The following NSMCE4A variants were observed in gnomAD, a reference collection of about 807,000 sequenced individuals.
NSMCE4A encodes the protein non-structural maintenance of chromosomes element 4 homolog A.
Under a neutral mutation model 47.9 loss-of-function variants are expected in NSMCE4A, and 40 were observed. The ratio of observed to expected loss-of-function variants is 0.83; its 90% CI spans 0.65 to 1.09. The LOEUF is 1.09. Ranked by LOEUF, NSMCE4A falls within the 50% of genes least tolerant of loss-of-function variation. The probability of loss-of-function intolerance (pLI) is 0.00; values close to 1 mark genes in which losing one functional copy is unlikely to be tolerated. For missense variants in NSMCE4A, 500 were observed against 507.0 expected (o/e 0.99, Z 0.13); for synonymous variants, 166 against 178.5 (o/e 0.93, Z 0.56).
intron 10 of NSMCE4A, among the ~76,000 whole-genome samples, chr10:121,957,527 A>T (rs1206411008): frequency 1.4e-5 from 2 of 141,382 alleles, no homozygotes; most frequent in Non-Finnish European, 3.0e-5. Flanking sequence ...TCTGCCTCCC[A>T]GGTTCACGCC....
chr10:121,969,929 T>C (rs1054700993), intron 3 of NSMCE4A, among the ~76,000 whole-genome samples: 1 of 152,064 alleles, frequency 6.6e-6, no homozygotes, highest in Non-Finnish European at 1.5e-5. Context: ...GTGGCCAGGC[T>C]GGTCTGAAAC....
chr10:121,961,478 G>A lies in NSMCE4A; in HGVS notation c.884C>T (p.Pro295Leu), dbSNP rs1952496332. 2 of 1,569,294 alleles carry A rather than the reference G, an allele frequency of 1.3e-6. No individual in the cohort carries two copies. The highest frequency in any genetic ancestry group is 2.8e-5 in the African/African-American group (2 of 71,408). ...PMSFFDFVVD[P>L]HSFPRTVENI... ...TTCCACTGTACGGGGGAAAGAATGA[G>A]GATCAACCACAAAGTCAAAGAAGGA... Residue 295 changes from proline to leucine, a missense_variant, in exon 7 of 11, where the codon CCT becomes CTT. Pro to Leu is a moderately conservative substitution (Grantham distance 98). Transcript: ENST00000369023.
chr10:121,958,774 A>G (rs1371592042), intron 10 of NSMCE4A, among the ~76,000 whole-genome samples: 1 of 152,160 alleles, frequency 6.6e-6, no homozygotes, highest in East Asian at 1.9e-4. Flanking sequence ...AAACAAAAAC[A>G]AAACCCACCA....
chr10:121,965,454 T>A, intron 4 of NSMCE4A, 69 bp from the exon 5 acceptor site: 1 of 1,213,714 alleles, frequency 8.2e-7, no homozygotes, highest in Non-Finnish European at 1.2e-6. Context: ...CTTTACTAAC[T>A]AAAAGTAGTT....
rs796734426 is a variant in NSMCE4A, at chr10:121,957,439, T to C, written c.*13-180A>G. On this transcript the variant is annotated intron_variant, in intron 10 of 10. Transcript: ENST00000369023. ...CCCTTCTTCTTTTTTCTTTTTTTTT[T>C]TTTTTTTTTTTGAGACAGAGTTTCG... Among the ~76,000 whole-genome samples the C allele has an allele frequency of 5.0e-5, 6 of 120,404 alleles. No individual in the cohort carries two copies. In the East Asian group the frequency reaches 1.8e-3, roughly 35 times the overall value. The allele number at this position is 120,404 out of a possible 152,430, so 79.0% of individuals were successfully genotyped here.
chr10:121,959,806 TAGTAG>T, intron 8 of NSMCE4A: 1 of 578,046 alleles, frequency 1.7e-6, no homozygotes, highest in Non-Finnish European at 3.1e-6. Context: ...AAAAAACATG[TAGTAG>T]AGTAACACAT....
chr10:121,967,512 T>C, intron 4 of NSMCE4A, 143 bp downstream of exon 4: 1 of 903,046 alleles, frequency 1.1e-6, no homozygotes, highest in Non-Finnish European at 1.6e-6. Context: ...GTTTATGAAC[T>C]TTCATATCAA....
rs1231060390 is a variant in NSMCE4A at position 121,974,986 on chromosome 10, C to T, written c.180G>A (p.Pro60=). 8.5e-6 allele frequency: 13 copies of T among 1,522,396 alleles called. No individual in the cohort carries two copies. The highest frequency in any genetic ancestry group is 1.4e-5 in the African/African-American group (1 of 69,454). 94.3% of individuals were successfully genotyped at this position (1,522,396 alleles called of 1,614,324 possible). ...CCATCATCTCGTCCCCGGAATCCGA[C>T]GGCTCTGTGTCCTCCAGGCTCGGGC... ...PERPSLEDTE[P]SDSGDEMMDP... is the part of the protein sequence containing the mutation. Residue 60 remains proline, a synonymous_variant, in exon 1 of 11, where the codon CCG becomes CCA. Coordinates refer to ENST00000369023, the MANE Select transcript of NSMCE4A (RefSeq NM_017615.3).
chr10:121,975,103 C>G lies in NSMCE4A; in HGVS notation c.63G>C (p.Arg21=). The change falls in exon 1 of 11, where the codon CGG becomes CGC. Residue 21 remains arginine (R), a synonymous_variant. Transcript: ENST00000369023. ...AGCGGGAGCGGGAGCGGGTGCGATCCCGATGCGGGTCGCGGCCCCGGCCCC... is the reference window on the plus strand; with the variant it reads ...AGCGGGAGCGGGAGCGGGTGCGATCGCGATGCGGGTCGCGGCCCCGGCCCC... ...EGRGRGRDPH[R]DRTRSRSRSR... 1 of 1,435,420 alleles carries G rather than the reference C, an allele frequency of 7.0e-7. No individual in the cohort carries two copies. Among genetic ancestry groups the G allele is most frequent in the Non-Finnish European group, 9.0e-7 (1 of 1,105,720 alleles). The allele number at this position is 1,435,420 out of a possible 1,614,324, so 88.9% of individuals were successfully genotyped here. A position where few individuals can be genotyped will look rare whatever the true frequency, so the allele number is the denominator to read the frequency against.
In NSMCE4A at chr10:121,957,105, G is replaced by A. The variant is rs1053774393; in HGVS notation, c.*167C>T. Reference sequence around the variant, plus strand: ...AACTACAATTATTTGTGAATATGGCGGTGAGTTTCCTTTAATCAAAGACAA... The same window carrying A: ...AACTACAATTATTTGTGAATATGGCAGTGAGTTTCCTTTAATCAAAGACAA... On this transcript the variant is annotated 3_prime_UTR_variant, in exon 11 of 11. Coordinates refer to ENST00000369023, the MANE Select transcript of NSMCE4A (RefSeq NM_017615.3). 1.2e-4 allele frequency: 19 copies of A among 152,514 alleles called. No individual in the cohort carries two copies. The highest frequency in any genetic ancestry group is 2.9e-4 in the African/African-American group (12 of 41,412). 9.4% of individuals were successfully genotyped at this position (152,514 alleles called of 1,614,324 possible).
chr10:121,965,206 T>A, intron 5 of NSMCE4A, 80 bp downstream of exon 5: 1 of 973,472 alleles, frequency 1.0e-6, no homozygotes, highest in East Asian at 2.5e-5. Flanking sequence ...TTAGAAAAAA[T>A]GGCCAAATTG....
chr10:121,960,373 G>C lies in NSMCE4A; in HGVS notation c.973C>G (p.Arg325Gly), dbSNP rs568726860. 6.7e-7 allele frequency: 1 copy of C among 1,490,246 alleles called. No homozygotes were observed. The highest frequency in any genetic ancestry group is 2.7e-5 in the East Asian group (1 of 36,932). 92.3% of individuals were successfully genotyped at this position (1,490,246 alleles called of 1,614,324 possible). A position where few individuals can be genotyped will look rare whatever the true frequency, so the allele number is the denominator to read the frequency against. Residue 325 changes from arginine to glycine, a missense_variant, in exon 8 of 11, where the codon CGA becomes GGA. Coordinates refer to ENST00000369023, the MANE Select transcript of NSMCE4A (RefSeq NM_017615.3). The surrounding 1 kb of genome is among the most constrained non-coding windows in gnomAD (Gnocchi z 4.2). ...TATCATTTACCTATTACTGGCAGTC[G>C]GTCTTGGTCAAGTCTTATTCTTGCA... ...GFARIRLDQD[R>G]LPVIEPVSIN...
At chr10:121,970,896 T>C (rs1241935944) in intron 3 of NSMCE4A, 43 bp downstream of exon 3, 3 of 1,524,772 alleles carry the variant, frequency 2.0e-6, no homozygotes, top group African/African-American at 1.4e-5. Context: ...TTATAATATA[T>C]AACAGAACAT....
intron 2 of NSMCE4A, among the ~76,000 whole-genome samples, chr10:121,972,791 A>G (rs1952739821): frequency 6.6e-6 from 1 of 152,190 alleles, no homozygotes; most frequent in African/African-American, 2.4e-5. Context: ...GGTTTTGATG[A>G]GAGTTAGCAA....
chr10:121,961,587 CA>C, intron 6 of NSMCE4A, 70 bp from the exon 7 acceptor site: 1 of 928,620 alleles, frequency 1.1e-6, no homozygotes, highest in Non-Finnish European at 1.6e-6. Context: ...TAGCGTTAGC[CA>C]GAGACAAAGA....
rs774432359 is a variant in NSMCE4A at position 121,975,029 on chromosome 10, CGCTCCCGCGCAGAGCCGCG to C, written c.118_136del (p.Arg40AlafsTer22). 29 of 1,488,864 alleles carry C rather than the reference CGCTCCCGCGCAGAGCCGCG, an allele frequency of 1.9e-5. No individual in the cohort carries two copies. The highest frequency in any genetic ancestry group is 2.5e-5 in the Non-Finnish European group (28 of 1,125,758). 92.2% of individuals were successfully genotyped at this position (1,488,864 alleles called of 1,614,324 possible). A position where few individuals can be genotyped will look rare whatever the true frequency, so the allele number is the denominator to read the frequency against. ...GCTCGGGCGCTCTGGGGCCTCTCTG[CGCTCCCGCGCAGAGCCGCG>C]GCGGGACCTGGGCGACAAAGGGGAC... On this transcript the variant is annotated frameshift_variant, in exon 1 of 11. Transcript: ENST00000369023. LOFTEE classifies it high-confidence loss of function.
chr10:121,964,416 G>C (rs528340678), intron 5 of NSMCE4A, among the ~76,000 whole-genome samples: 1 of 150,694 alleles, frequency 6.6e-6, no homozygotes, highest in African/African-American at 2.4e-5. Flanking sequence ...AAAGTGCTGG[G>C]ATTACAGGCG....
chr10:121,971,072 A>C lies in NSMCE4A; in HGVS notation c.371-3T>G. 6.2e-7 allele frequency: 1 copy of C among 1,604,600 alleles called. No homozygotes were observed. Among genetic ancestry groups the C allele is most frequent in the South Asian group, 1.1e-5 (1 of 89,114 alleles). On this transcript the variant is annotated splice_polypyrimidine_tract_variant and splice_region_variant and intron_variant, in intron 2 of 10. Transcript: ENST00000369023. ...GACTGCTTCTCTTGCTCGGGACACTATTCAAAAAAGAAAGAAAATATTCAC... is the reference window on the plus strand; with the variant it reads ...GACTGCTTCTCTTGCTCGGGACACTCTTCAAAAAAGAAAGAAAATATTCAC...
At chr10:121,964,478 C>G (rs1360838726) in intron 5 of NSMCE4A, among the ~76,000 whole-genome samples, 1 of 150,310 alleles carries the variant, frequency 6.7e-6, no homozygotes, top group African/African-American at 2.5e-5. Context: ...GACTCTCGCT[C>G]TGTCGCCCAG....
Sources: allele counts gnomAD v4.1 joint callset (sites outside exome capture counted in the v4.1 genomes callset), GRCh38; gene constraint gnomAD v4.1.1; non-coding constraint Gnocchi (gnomAD v3.1); transcripts MANE v1.5; gene names NCBI Gene and HGNC (gene_info 2026-07-23, HGNC 2026-07-21).